The following OR1I1 variants were observed in gnomAD, a reference collection of about 807,000 sequenced individuals.
OR1I1 encodes olfactory receptor family 1 subfamily I member 1, also known as olfactory receptor 1I1.
For missense variants in OR1I1, 451 were observed against 443.6 expected, an observed-to-expected ratio of 1.02 and a Z score of -0.15; for synonymous variants, 171 against 181.4, an observed-to-expected ratio of 0.94 and a Z score of 0.46.
At chr19:15,085,155 TATATATATATATATA>T (rs1341456371) in intron 1 of OR1I1, among the ~76,000 whole-genome samples, 35 of 45,440 alleles carry the variant, frequency 7.7e-4, no homozygotes, top group African/African-American at 3.3e-3. Flanking sequence ...TATATATATA[TATATATATATATATA>T]TATATATTTT....
chr19:15,091,852 A>ATT lies in OR1I1; in HGVS notation c.*3719_*3720insTT. ...TCAAAAAAAAAAAAAAAAAAAAAAA[A>ATT]AAGTTTGTAATTTAAAAGTTTGAGC... On this transcript the variant is annotated 3_prime_UTR_variant, in exon 2 of 2. Transcript: ENST00000641398. 1 of 147,330 alleles carries ATT rather than the reference A, an allele frequency of 6.8e-6. No individual in the cohort carries two copies. The highest frequency in any genetic ancestry group is 2.1e-4 in the South Asian group (1 of 4,726). 9.1% of individuals were successfully genotyped at this position (147,330 alleles called of 1,614,324 possible). A position where few individuals can be genotyped will look rare whatever the true frequency, so the allele number is the denominator to read the frequency against.
At chr19:15,085,606 A>T (rs2046227494) in intron 1 of OR1I1, among the ~76,000 whole-genome samples, 1 of 152,116 alleles carries the variant, frequency 6.6e-6, no homozygotes, top group African/African-American at 2.4e-5. Flanking sequence ...AACTATAGTC[A>T]CTATGCTGTA....
intron 1 of OR1I1, among the ~76,000 whole-genome samples, chr19:15,086,091 G>C (rs2046229106): frequency 6.6e-6 from 1 of 152,122 alleles, no homozygotes; most frequent in Non-Finnish European, 1.5e-5. Flanking sequence ...AAGGCGGGTA[G>C]ATCACTTGAG....
rs2046243959 is a variant in OR1I1, at chr19:15,088,802, T to TAGATAGATAGATAGGTAGAC, written c.*683_*684insGTAGACAGATAGATAGATAG. ...ATAGATAGATAGATAGATAGATAGATAGATAGATAGATAGATAGATATACA... is the reference window on the plus strand; with the variant it reads ...ATAGATAGATAGATAGATAGATAGATAGATAGATAGATAGGTAGACAGATAGATAGATAGATAGATATACA... On this transcript the variant is annotated 3_prime_UTR_variant, in exon 2 of 2. Transcript: ENST00000641398. 2 of 132,274 alleles carry TAGATAGATAGATAGGTAGAC rather than the reference T, an allele frequency of 1.5e-5. No homozygotes were observed. Among genetic ancestry groups the TAGATAGATAGATAGGTAGAC allele is most frequent in the East Asian group, 5.0e-4 (2 of 4,034 alleles). 8.2% of individuals were successfully genotyped at this position (132,274 alleles called of 1,614,324 possible). A position where few individuals can be genotyped will look rare whatever the true frequency, so the allele number is the denominator to read the frequency against.
Position 15,087,481 on chromosome 19 carries a change from C to A in OR1I1, c.416C>A (p.Pro139His), listed in dbSNP as rs8104843. 52 of 1,613,924 alleles carry A rather than the reference C, an allele frequency of 3.2e-5. No individual in the cohort carries two copies. The highest frequency in any genetic ancestry group is 1.3e-4 in the African/African-American group (10 of 74,878). The change falls in exon 2 of 2, where the codon CCT becomes CAT. Residue 139 changes from proline (P) to histidine (H), a missense_variant. By Grantham distance (77) the Pro-to-His change is moderately conservative (BLOSUM62 -2). Transcript: ENST00000641398. ...CGTTACTTGGTTCTCATGTGCTCCCCTGTCTGTGGGCTGCTGCTGGGAGCA... is the reference window on the plus strand; with the variant it reads ...CGTTACTTGGTTCTCATGTGCTCCCATGTCTGTGGGCTGCTGCTGGGAGCA... Reference protein sequence around the residue: ...PQRYLVLMCSPVCGLLLGASW... With the variant: ...PQRYLVLMCSHVCGLLLGASW...
chr19:15,085,936 G>A (rs1339850576), intron 1 of OR1I1, among the ~76,000 whole-genome samples: 1 of 151,888 alleles, frequency 6.6e-6, no homozygotes, highest in Non-Finnish European at 1.5e-5. Flanking sequence ...TCCATTCATC[G>A]GTTTTTAACA....
Position 15,089,076 on chromosome 19 carries a change from G to GTAGATAGATAGA in OR1I1, c.*955_*966dup, listed in dbSNP as rs149878733. 9 of 151,362 alleles carry GTAGATAGATAGA rather than the reference G, an allele frequency of 5.9e-5. No homozygotes were observed. Among genetic ancestry groups the GTAGATAGATAGA allele is most frequent in the African/African-American group, 2.2e-4 (9 of 41,312 alleles). 9.4% of individuals were successfully genotyped at this position (151,362 alleles called of 1,614,324 possible). ...GGATAGATAGAGATAGAGGAGGTAG[G>GTAGATAGATAGA]TAGATAGATAGATAGATAGATAGGT... On this transcript the variant is annotated 3_prime_UTR_variant, in exon 2 of 2. Transcript: ENST00000641398.
At chr19:15,087,020 T>C (rs2046232236) in intron 1 of OR1I1, 33 bp from the exon 2 acceptor site, 1 of 1,560,690 alleles carries the variant, frequency 6.4e-7, no homozygotes, top group Admixed American at 1.8e-5. Flanking sequence ...CACCTGGCTC[T>C]GTGTGGTTTT....
At position 15,089,396 on chromosome 19, in the gene OR1I1, G is replaced by C. The variant is rs1417423107; in HGVS notation, c.*1263G>C. 6.6e-6 allele frequency: 1 copy of C among 152,178 alleles called. No individual in the cohort carries two copies. The highest frequency in any genetic ancestry group is 1.5e-5 in the Non-Finnish European group (1 of 68,054). 9.4% of individuals were successfully genotyped at this position (152,178 alleles called of 1,614,324 possible). A position where few individuals can be genotyped will look rare whatever the true frequency, so the allele number is the denominator to read the frequency against. On this transcript the variant is annotated 3_prime_UTR_variant, in exon 2 of 2. Transcript: ENST00000641398. ...ACCCTAGCCTAGCTCCAAAATCTAT[G>C]TGTTTCCTGTGACATTCATCGCCTG...
chr19:15,085,178 T>TATA (rs2046225775), intron 1 of OR1I1, among the ~76,000 whole-genome samples: 7 of 89,232 alleles, frequency 7.8e-5, no homozygotes, highest in Admixed American at 2.4e-4. Flanking sequence ...ATATATATAT[T>TATA]TTTTTTTTTG....
In OR1I1 at chr19:15,088,202, A is replaced by AGGT; in HGVS notation, c.*71_*73dup. The AGGT allele has an allele frequency of 6.8e-7, 1 of 1,466,790 alleles. No individual in the cohort carries two copies. Among genetic ancestry groups the AGGT allele is most frequent in the African/African-American group, 1.4e-5 (1 of 70,914 alleles). 90.9% of individuals were successfully genotyped at this position (1,466,790 alleles called of 1,614,324 possible). A position where few individuals can be genotyped will look rare whatever the true frequency, so the allele number is the denominator to read the frequency against. On this transcript the variant is annotated 3_prime_UTR_variant, in exon 2 of 2. Coordinates refer to ENST00000641398, the MANE Select transcript of OR1I1 (RefSeq NM_001004713.2). Reference sequence around the variant, plus strand: ...CAAAGTGTATGAGCACCCAAAGGAAAGGTGTGCATTTTCCCCAGGATTTAT... The same window carrying AGGT: ...CAAAGTGTATGAGCACCCAAAGGAAAGGTGGTGTGCATTTTCCCCAGGATTTAT...
At chr19:15,085,129 C>CTTATAT (rs2046223004) in intron 1 of OR1I1, among the ~76,000 whole-genome samples, 2 of 64,852 alleles carry the variant, frequency 3.1e-5, no homozygotes, top group African/African-American at 8.7e-5. Flanking sequence ...GCATTTTTGA[C>CTTATAT]TTATATATAT....
At chr19:15,083,269 C>A (rs926507067) in intron 1 of OR1I1, among the ~76,000 whole-genome samples, 44 of 141,094 alleles carry the variant, frequency 3.1e-4, no homozygotes, top group Admixed American at 2.4e-3. Context: ...AGATCCAGGG[C>A]GGGATTGGGG....
At chr19:15,085,162 A>ATTT (rs1568321872) in intron 1 of OR1I1, among the ~76,000 whole-genome samples, 1 of 34,750 alleles carries the variant, frequency 2.9e-5, no homozygotes, top group African/African-American at 1.7e-4. Flanking sequence ...ATATATATAT[A>ATTT]TATATATATA....
chr19:15,085,156 A>T lies in OR1I1; in HGVS notation c.-13-1897A>T, dbSNP rs1424653416. Among the ~76,000 whole-genome samples the T allele has an allele frequency of 3.3e-3, 119 of 35,626 alleles. 3 individuals are homozygous for T. The highest frequency in any genetic ancestry group is 0.023 in the African/African-American group (110 of 4,708). The allele number at this position is 35,626 out of a possible 152,430, so 23.4% of individuals were successfully genotyped here. A position where few individuals can be genotyped will look rare whatever the true frequency, so the allele number is the denominator to read the frequency against. ...TATATATATATATATATATATATAT[A>T]TATATATATATATATATATATTTTT... On this transcript the variant is annotated intron_variant, in intron 1 of 1. Transcript: ENST00000641398.
Position 15,088,094 on chromosome 19 carries a change from A to C in OR1I1, c.1029A>C (p.Gly343=), listed in dbSNP as rs540775866. The change falls in exon 2 of 2, where the codon GGA becomes GGC. Residue 343 remains glycine, a synonymous_variant. Transcript: ENST00000641398. Reference sequence around the variant, plus strand: ...AGATGCATCCCATCCCCTACCCTGGAGGAGTTCAGAGTCTAGCTGGGAACA... The same window carrying C: ...AGATGCATCCCATCCCCTACCCTGGCGGAGTTCAGAGTCTAGCTGGGAACA... ...DTEMHPIPYP[G]GVQSLAGNRD... The C allele has an allele frequency of 6.4e-7, 1 of 1,561,698 alleles. No individual in the cohort carries two copies. Among genetic ancestry groups the C allele is most frequent in the South Asian group, 1.2e-5 (1 of 86,444 alleles).
rs1181903918 is a variant in OR1I1 at position 15,085,130 on chromosome 19, T to A, written c.-13-1923T>A. Among the ~76,000 whole-genome samples, 80 of 28,518 alleles carry A rather than the reference T, an allele frequency of 2.8e-3. 1 individual carries two copies. Among genetic ancestry groups the A allele is most frequent in the Non-Finnish European group, 2.7e-3 (34 of 12,694 alleles). 18.7% of individuals were successfully genotyped at this position (28,518 alleles called of 152,430 possible). A position where few individuals can be genotyped will look rare whatever the true frequency, so the allele number is the denominator to read the frequency against. On this transcript the variant is annotated intron_variant, in intron 1 of 1. Coordinates refer to ENST00000641398, the MANE Select transcript of OR1I1 (RefSeq NM_001004713.2). ...TAGGTATGTTCAATGCATTTTTGAC[T>A]TATATATATATATATATATATATAT...
intron 1 of OR1I1, among the ~76,000 whole-genome samples, chr19:15,083,709 T>C (rs2046218122): frequency 6.6e-6 from 1 of 152,128 alleles, no homozygotes; most frequent in African/African-American, 2.4e-5. Context: ...ATGAGATTAC[T>C]GGGCTCACGC....
At position 15,088,773 on chromosome 19, in the gene OR1I1, G is replaced by GTAATGGATAGATAAGATATGTAA. The variant is rs71168567; in HGVS notation, c.*642_*643insATGGATAGATAAGATATGTAATA. The GTAATGGATAGATAAGATATGTAA allele has an allele frequency of 6.8e-6, 1 of 147,194 alleles. No homozygotes were observed. The highest frequency in any genetic ancestry group is 1.5e-5 in the Non-Finnish European group (1 of 67,268). 9.1% of individuals were successfully genotyped at this position (147,194 alleles called of 1,614,324 possible). ...TAGATAGGGTGGATAGATAAGATAT[G>GTAATGGATAGATAAGATATGTAA]TAGATAGATAGATAGATAGATAGAT... On this transcript the variant is annotated 3_prime_UTR_variant, in exon 2 of 2. Coordinates refer to ENST00000641398, the MANE Select transcript of OR1I1 (RefSeq NM_001004713.2).
Sources: gnomAD v4.1 joint callset for allele counts (sites outside exome capture counted in the v4.1 genomes callset) on GRCh38, gnomAD v4.1.1 for gene constraint, MANE v1.5 for transcripts, NCBI Gene and HGNC (gene_info 2026-07-23, HGNC 2026-07-21) for gene names.